Variants in KCNH8 observed in about 807,000 individuals in gnomAD.
KCNH8 encodes the protein voltage-gated delayed rectifier potassium channel KCNH8.
In KCNH8, 70 loss-of-function variants were observed where a neutral mutation model predicts 103.6. The ratio of observed to expected loss-of-function variants is 0.68; its 90% CI spans 0.56 to 0.82. The LOEUF (loss-of-function observed/expected upper bound fraction) is 0.82. KCNH8 is among the 40% of genes least tolerant of loss of function. The pLI is 0.00. For missense variants in KCNH8, 1,217 were observed against 1,329.9 expected, an observed-to-expected ratio of 0.92 and a Z score of 1.32; for synonymous variants, 498 against 489.4, an observed-to-expected ratio of 1.02 and a Z score of -0.23.
In KCNH8 at chr3:19,394,476, TGAGAGAGAGAAA is replaced by T. The variant is rs542851336; in HGVS notation, c.970-617_970-606del. On this transcript the variant is annotated intron_variant, in intron 6 of 15. Coordinates refer to ENST00000328405, the MANE Select transcript of KCNH8 (RefSeq NM_144633.3). ...TCCCTAAGCATGTCTGAGAGAGCGC[TGAGAGAGAGAAA>T]GAGAGAGAGAGAGAGAGAGCGAGCT... Among the ~76,000 whole-genome samples, 617 of 147,750 alleles carry T rather than the reference TGAGAGAGAGAAA, an allele frequency of 4.2e-3. 4 individuals carry two copies. Among genetic ancestry groups the T allele is most frequent in the South Asian group, 0.017 (81 of 4,640 alleles).
At chr3:19,322,304 A>G (rs996999218) in intron 3 of KCNH8, among the ~76,000 whole-genome samples, 7 of 152,120 alleles carry the variant, frequency 4.6e-5, no homozygotes, top group African/African-American at 1.4e-4. Context: ...TGCTTTAAGA[A>G]TAATCTATTT....
intron 11 of KCNH8, among the ~76,000 whole-genome samples, chr3:19,470,844 T>TA (rs1026039166): frequency 2.6e-5 from 4 of 152,138 alleles, no homozygotes; most frequent in East Asian, 1.9e-4. Context: ...CAATCCCTTA[T>TA]AAAAAATATA....
intron 1 of KCNH8, among the ~76,000 whole-genome samples, chr3:19,207,081 T>C (rs746811436): frequency 4.1e-4 from 63 of 151,868 alleles, no homozygotes; most frequent in Admixed American, 1.4e-3. Flanking sequence ...ATTTGGGTGT[T>C]GTTAGTAAAA....
intron 5 of KCNH8, among the ~76,000 whole-genome samples, chr3:19,361,325 G>A (rs959716126): frequency 3.9e-5 from 6 of 152,032 alleles, no homozygotes; most frequent in Admixed American, 1.3e-4. Context: ...CCAAACAGTT[G>A]AAAGTCTTGT....
intron 1 of KCNH8, among the ~76,000 whole-genome samples, chr3:19,240,958 T>C (rs889939354): frequency 6.6e-6 from 1 of 152,182 alleles, no homozygotes; most frequent in Non-Finnish European, 1.5e-5. Context: ...TGTTTTTTTA[T>C]GGACTGTCAT....
chr3:19,471,745 A>AC (rs1187877866), intron 11 of KCNH8, among the ~76,000 whole-genome samples: 22 of 152,170 alleles, frequency 1.4e-4, no homozygotes, highest in African/African-American at 7.2e-5. Flanking sequence ...GTCCCAAACC[A>AC]CCTGACTTCA....
intron 1 of KCNH8, among the ~76,000 whole-genome samples, chr3:19,185,100 A>G (rs558963520): frequency 1.3e-5 from 2 of 151,928 alleles, no homozygotes; most frequent in Non-Finnish European, 2.9e-5. Context: ...TTTTTTGTAT[A>G]AGTCTTTTGT....
intron 15 of KCNH8, among the ~76,000 whole-genome samples, chr3:19,529,300 C>T (rs1040415361): frequency 2.0e-5 from 3 of 152,108 alleles, no homozygotes; most frequent in South Asian, 2.1e-4. Flanking sequence ...TTTTAATTGA[C>T]GTATCTCTTT....
chr3:19,480,299 T>G (rs1024156306), intron 11 of KCNH8, among the ~76,000 whole-genome samples: 1 of 152,150 alleles, frequency 6.6e-6, no homozygotes, highest in African/African-American at 2.4e-5. Flanking sequence ...TCCTTCTGCC[T>G]CAACAGGACT....
At chr3:19,485,718 A>G (rs1182517193) in intron 11 of KCNH8, among the ~76,000 whole-genome samples, 1 of 152,182 alleles carries the variant, frequency 6.6e-6, no homozygotes, top group Non-Finnish European at 1.5e-5. Flanking sequence ...ATGCCCAGTA[A>G]GGGGTAGATG....
intron 15 of KCNH8, among the ~76,000 whole-genome samples, chr3:19,524,682 T>C (rs193036476): frequency 4.6e-5 from 7 of 152,116 alleles, no homozygotes; most frequent in African/African-American, 1.7e-4. Context: ...GTTTTCGTCC[T>C]CTTTGCTTAT....
chr3:19,206,742 G>T (rs1006922016), intron 1 of KCNH8, among the ~76,000 whole-genome samples: 1 of 151,934 alleles, frequency 6.6e-6, no homozygotes, highest in African/African-American at 2.4e-5. Context: ...GAGCAAAATT[G>T]CCCTAAGTTG....
chr3:19,294,719 G>T (rs1182246702), intron 3 of KCNH8, among the ~76,000 whole-genome samples: 1 of 152,178 alleles, frequency 6.6e-6, no homozygotes. Context: ...GCAAACTAGG[G>T]TTCATAAACT....
chr3:19,308,650 GTCTC>G (rs1163604706), intron 3 of KCNH8, among the ~76,000 whole-genome samples: 4 of 51,368 alleles, frequency 7.8e-5, no homozygotes, highest in Non-Finnish European at 1.4e-4. Context: ...GAATGTTGGG[GTCTC>G]TCTCTCTCTC....
At chr3:19,174,929 C>A (rs2063383027) in intron 1 of KCNH8, among the ~76,000 whole-genome samples, 1 of 152,086 alleles carries the variant, frequency 6.6e-6, no homozygotes, top group Non-Finnish European at 1.5e-5. Context: ...AAGAAACACG[C>A]CCTTTTGAAT....
chr3:19,368,063 C>T (rs773172623), intron 5 of KCNH8, among the ~76,000 whole-genome samples: 66 of 151,988 alleles, frequency 4.3e-4, no homozygotes, highest in Admixed American at 4.6e-4. Context: ...GACATACTGG[C>T]CACCAGGCAA....
intron 5 of KCNH8, among the ~76,000 whole-genome samples, chr3:19,353,959 T>G (rs2065842520): frequency 6.6e-6 from 1 of 152,296 alleles, no homozygotes; most frequent in African/African-American, 2.4e-5. Flanking sequence ...TGTTTGCAGG[T>G]GACATGATTG....
chr3:19,345,195 A>C (rs2065713932), intron 4 of KCNH8, among the ~76,000 whole-genome samples: 1 of 152,090 alleles, frequency 6.6e-6, no homozygotes, highest in African/African-American at 2.4e-5. Flanking sequence ...AAATGTTTTC[A>C]ACACAAAGAA....
chr3:19,300,779 T>C (rs1355779966), intron 3 of KCNH8, among the ~76,000 whole-genome samples: 3 of 151,798 alleles, frequency 2.0e-5, no homozygotes, highest in African/African-American at 7.2e-5. Context: ...TCCAACCACA[T>C]TTTCTTCTTT....
Sources: gnomAD v4.1 joint callset for allele counts (sites outside exome capture counted in the v4.1 genomes callset) on GRCh38, gnomAD v4.1.1 for gene constraint, MANE v1.5 for transcripts, NCBI Gene and HGNC (gene_info 2026-07-23, HGNC 2026-07-21) for gene names.